PHF21B: variants seen among roughly 807,000 people sequenced by gnomAD.
PHF21B encodes the protein PHD finger protein 21B, also known as PHD finger protein 4.
PHF21B carries 22 observed loss-of-function variants against 62.2 expected under a neutral mutation model. The ratio of observed to expected loss-of-function variants is 0.35; its 90% CI spans 0.25 to 0.51. The LOEUF (loss-of-function observed/expected upper bound fraction) is 0.51. PHF21B is among the 20% of genes least tolerant of loss of function. The pLI is 0.97. For synonymous variants in PHF21B, 341 were observed against 314.7 expected, an observed-to-expected ratio of 1.08 and a Z score of -0.88; for missense variants, 701 against 707.9, an observed-to-expected ratio of 0.99 and a Z score of 0.11.
chr22:45,009,983 C>G lies in PHF21B; in HGVS notation c.-434G>C, dbSNP rs1054789513. The G allele has an allele frequency of 6.8e-6, 1 of 146,300 alleles. No homozygotes were observed. The highest frequency in any genetic ancestry group is 2.5e-5 in the African/African-American group (1 of 40,724). The allele number at this position is 146,300 out of a possible 1,614,324, so 9.1% of individuals were successfully genotyped here. A position where few individuals can be genotyped will look rare whatever the true frequency, so the allele number is the denominator to read the frequency against. On this transcript the variant is annotated 5_prime_UTR_variant, in exon 1 of 13. Transcript: ENST00000313237. This position sits in a 1 kb window ranked among gnomAD's most constrained non-coding sequence, Gnocchi z 5.9. ...GTTGGGCCTCGGCAAAGTTGTGCCT[C>G]GGCACGATGCTAATTCGGCAGTGCC...
chr22:44,904,752 C>T (rs2071220039), intron 5 of PHF21B, among the ~76,000 whole-genome samples: 1 of 133,506 alleles, frequency 7.5e-6, no homozygotes, highest in South Asian at 2.7e-4. Context: ...CAAGGAGCCA[C>T]AGGCTGCAGA....
intron 5 of PHF21B, among the ~76,000 whole-genome samples, chr22:44,906,397 G>T (rs2071250829): frequency 6.6e-6 from 1 of 152,226 alleles, no homozygotes; most frequent in Admixed American, 6.5e-5. Context: ...AGTAGCCCCG[G>T]GCAGATATGA....
chr22:44,915,708 A>G (rs1422229258), intron 4 of PHF21B, among the ~76,000 whole-genome samples: 1 of 152,248 alleles, frequency 6.6e-6, no homozygotes, highest in Non-Finnish European at 1.5e-5. Flanking sequence ...GGGAACAGAG[A>G]GAAAGAGGCC....
Position 45,006,051 on chromosome 22 carries a change from G to A in PHF21B, c.120+2494C>T, listed in dbSNP as rs115451672. Among the ~76,000 whole-genome samples, 618 of 152,152 alleles carry A rather than the reference G, an allele frequency of 4.1e-3. 2 individuals carry two copies. The highest frequency in any genetic ancestry group is 0.014 in the African/African-American group (580 of 41,500). ...CAAACTCTCCCAAGGAGAGGGAGAG[G>A]GGAGTAAATGTTAAGTCTCCCTAAC... On this transcript the variant is annotated intron_variant, in intron 2 of 12. Coordinates refer to ENST00000313237, the MANE Select transcript of PHF21B (RefSeq NM_138415.5).
At chr22:44,942,670 C>G (rs2071982219) in intron 2 of PHF21B, among the ~76,000 whole-genome samples, 1 of 152,134 alleles carries the variant, frequency 6.6e-6, no homozygotes, top group Non-Finnish European at 1.5e-5. Context: ...AGGAGGGTGC[C>G]CACAGCTCAC....
rs753254430 is a variant in PHF21B, at chr22:44,885,923, C to G, written c.1213G>C (p.Glu405Gln). 1 of 1,614,092 alleles carries G rather than the reference C, an allele frequency of 6.2e-7. No individual in the cohort carries two copies. Reference sequence around the variant, plus strand: ...AGCATCCCAGTCCAGGGCACACCCTCGTCTTTCTTTAAGGCCTGGGGAGCA... The same window carrying G: ...AGCATCCCAGTCCAGGGCACACCCTGGTCTTTCTTTAAGGCCTGGGGAGCA... The part of the protein sequence containing the change: ...RCQQKALKKD[E>Q]GVPWTGMLAI... Residue 405 changes from glutamate (E) to glutamine (Q), a missense_variant, in exon 11 of 13, where the codon GAG becomes CAG. Glu to Gln is a conservative substitution (Grantham distance 29, BLOSUM62 2). Coordinates refer to ENST00000313237, the MANE Select transcript of PHF21B (RefSeq NM_138415.5).
intron 2 of PHF21B, among the ~76,000 whole-genome samples, chr22:44,938,291 T>C (rs1352128689): frequency 2.0e-5 from 3 of 152,214 alleles, no homozygotes; most frequent in African/African-American, 7.2e-5. Flanking sequence ...TGGAGTGCAG[T>C]GGCGCGGACT....
intron 6 of PHF21B, among the ~76,000 whole-genome samples, chr22:44,894,002 G>A (rs549556609): frequency 1.3e-5 from 2 of 152,222 alleles, no homozygotes; most frequent in African/African-American, 2.4e-5. Flanking sequence ...CTTCGCATGC[G>A]AGCGAGAGGG....
intron 8 of PHF21B, among the ~76,000 whole-genome samples, chr22:44,890,591 A>T (rs1252932359): frequency 6.6e-6 from 1 of 152,196 alleles, no homozygotes. Flanking sequence ...AGCTACACAG[A>T]ATCCCAGCAA....
At chr22:44,921,208 C>T (rs963458839) in intron 2 of PHF21B, among the ~76,000 whole-genome samples, 9 of 152,158 alleles carry the variant, frequency 5.9e-5, no homozygotes, top group Non-Finnish European at 1.2e-4. Context: ...GCAGGGTGGA[C>T]ATTCAGGGTA....
intron 2 of PHF21B, among the ~76,000 whole-genome samples, chr22:44,930,585 C>A (rs1457407937): frequency 2.0e-5 from 3 of 152,104 alleles, no homozygotes; most frequent in African/African-American, 7.2e-5. Context: ...GCAGAGGCAC[C>A]AGCAGCAGGG....
In PHF21B at chr22:44,986,426, C is replaced by T. The variant is rs74789241; in HGVS notation, c.120+22119G>A. Among the ~76,000 whole-genome samples the T allele has an allele frequency of 5.9e-3, 887 of 151,368 alleles. 8 individuals are homozygous for T. Among genetic ancestry groups the T allele is most frequent in the African/African-American group, 0.02 (840 of 41,180 alleles). On this transcript the variant is annotated intron_variant, in intron 2 of 12. Coordinates refer to ENST00000313237, the MANE Select transcript of PHF21B (RefSeq NM_138415.5). ...CACCATCCTCATTACCACCTGCATC[C>T]GCATGATCCAATCCAGATGCATCCA...
chr22:44,921,364 T>C (rs1191777631), intron 2 of PHF21B, among the ~76,000 whole-genome samples: 2 of 151,962 alleles, frequency 1.3e-5, no homozygotes, highest in Non-Finnish European at 2.9e-5. Flanking sequence ...CAGTTCTTTT[T>C]TTTTTTCTTT....
At chr22:44,972,488 G>A (rs1416714602) in intron 2 of PHF21B, among the ~76,000 whole-genome samples, 1 of 152,064 alleles carries the variant, frequency 6.6e-6, no homozygotes, top group Non-Finnish European at 1.5e-5. Flanking sequence ...AGACGCGGCT[G>A]CTCAGTGCAA....
chr22:44,926,910 A>C lies in PHF21B; in HGVS notation c.121-6420T>G, dbSNP rs2071643496. Among the ~76,000 whole-genome samples the C allele has an allele frequency of 4.6e-5, 7 of 151,598 alleles. No individual in the cohort carries two copies. In the South Asian group the frequency reaches 1.5e-3, roughly 32 times the overall value. On this transcript the variant is annotated intron_variant, in intron 2 of 12. Coordinates refer to ENST00000313237, the MANE Select transcript of PHF21B (RefSeq NM_138415.5). ...GCAGCTGTTGCTTTCTCTGATACCC[A>C]CTCAGGTGTGCACAGCTCTGCTTCC...
At chr22:44,909,158 C>A (rs2071302802) in intron 5 of PHF21B, among the ~76,000 whole-genome samples, 1 of 152,200 alleles carries the variant, frequency 6.6e-6, no homozygotes. Flanking sequence ...GCTGTAATTG[C>A]AAGTTCTATC....
intron 2 of PHF21B, among the ~76,000 whole-genome samples, chr22:44,968,371 C>T (rs1255911740): frequency 6.6e-6 from 1 of 152,156 alleles, no homozygotes; most frequent in Non-Finnish European, 1.5e-5. Context: ...AGGCTGGGTA[C>T]AGCGGCTCAC....
At chr22:44,993,732 T>C (rs541538925) in intron 2 of PHF21B, among the ~76,000 whole-genome samples, 1 of 152,266 alleles carries the variant, frequency 6.6e-6, no homozygotes, top group South Asian at 2.1e-4. Context: ...GGAAGCTGTG[T>C]GTGCACCCAG....
intron 5 of PHF21B, among the ~76,000 whole-genome samples, chr22:44,896,491 T>C (rs2071059613): frequency 1.3e-5 from 2 of 152,236 alleles, no homozygotes; most frequent in African/African-American, 4.8e-5. Flanking sequence ...TTGAAAACAC[T>C]GGATACACGT....
Sources: gnomAD v4.1 joint callset for allele counts (sites outside exome capture counted in the v4.1 genomes callset) on GRCh38, gnomAD v4.1.1 for gene constraint, Gnocchi (gnomAD v3.1) non-coding constraint, MANE v1.5 for transcripts, NCBI Gene and HGNC (gene_info 2026-07-23, HGNC 2026-07-21) for gene names.